Variants in ATP2A1 observed in about 807,000 individuals in gnomAD.
ATP2A1 encodes sarcoplasmic/endoplasmic reticulum calcium ATPase 1.
A neutral mutation model predicts 109.5 loss-of-function variants in ATP2A1; 83 were observed. The ratio of observed to expected loss-of-function variants is 0.76; its 90% CI spans 0.63 to 0.91. ATP2A1 has a LOEUF of 0.91. Ranked by LOEUF, ATP2A1 falls within the 40% of genes least tolerant of loss-of-function variation. The pLI, the probability that ATP2A1 is intolerant of heterozygous loss-of-function variation, is 0.00. For synonymous variants in ATP2A1, 505 were observed against 537.6 expected (o/e 0.94, Z 0.84); for missense variants, 1,101 against 1,341.0 (o/e 0.82, Z 2.80).
intron 22 of ATP2A1, 144 bp from the exon 23 acceptor site, chr16:28,904,036 C>T: frequency 1.2e-6 from 1 of 813,848 alleles, no homozygotes; most frequent in Non-Finnish European, 2.1e-6. Context: ...GGCGGGGTGT[C>T]TGGGGACGCA....
At chr16:28,884,738 G>A (rs1963573848) in intron 6 of ATP2A1, 83 bp downstream of exon 6, 7 of 1,330,280 alleles carry the variant, frequency 5.3e-6, no homozygotes, top group Non-Finnish European at 6.3e-6. Context: ...TGGAAAGACA[G>A]AGAACCCTCA....
chr16:28,890,784 C>G (rs1342464422), intron 9 of ATP2A1, among the ~76,000 whole-genome samples: 1 of 151,986 alleles, frequency 6.6e-6, no homozygotes, highest in Non-Finnish European at 1.5e-5. Flanking sequence ...CTCCCAGGTT[C>G]AAGTGATTCT....
intron 9 of ATP2A1, among the ~76,000 whole-genome samples, chr16:28,891,474 T>C (rs1233411035): frequency 6.6e-6 from 1 of 150,710 alleles, no homozygotes; most frequent in African/African-American, 2.5e-5. Context: ...ATGCCTGTAG[T>C]CCCAGCTACT....
intron 9 of ATP2A1, among the ~76,000 whole-genome samples, chr16:28,890,786 A>G (rs1216912529): frequency 6.6e-6 from 1 of 151,930 alleles, no homozygotes; most frequent in Non-Finnish European, 1.5e-5. Flanking sequence ...CCCAGGTTCA[A>G]GTGATTCTCC....
intron 6 of ATP2A1, among the ~76,000 whole-genome samples, chr16:28,885,953 G>T (rs1963603900): frequency 6.6e-6 from 1 of 151,626 alleles, no homozygotes; most frequent in Non-Finnish European, 1.5e-5. Flanking sequence ...ATTACTTGAG[G>T]TCAGGAGTTT....
Position 28,878,654 on chromosome 16 carries a change from C to T in ATP2A1, c.-18C>T, listed in dbSNP as rs768476527. 2 of 1,581,372 alleles carry T rather than the reference C, an allele frequency of 1.3e-6. No individual in the cohort carries two copies. The highest frequency in any genetic ancestry group is 1.7e-6 in the Non-Finnish European group (2 of 1,161,448). On this transcript the variant is annotated 5_prime_UTR_variant, in exon 1 of 23. Coordinates refer to ENST00000395503, the MANE Select transcript of ATP2A1 (RefSeq NM_004320.6). ...CTGGAAGGAACACACCGGCCCCGGC[C>T]CCCAGGAAGGGAGCACAATGGAGGC...
Position 28,894,890 on chromosome 16 carries a change from G to C in ATP2A1, c.1356G>C (p.Met452Ile). 1 of 1,612,536 alleles carries C rather than the reference G, an allele frequency of 6.2e-7. No homozygotes were observed. ...CACTCACCACCCTGGTGGAGAAGAT[G>C]AATGTGTTCAACACGGATGTGAGAA... is the stretch of plus-strand genomic sequence containing the variant. ...ETALTTLVEK[M>I]NVFNTDVRSL... The change falls in exon 12 of 23, where the codon ATG (methionine) becomes ATC (isoleucine). Residue 452 changes from methionine to isoleucine, a missense_variant. Met to Ile is a conservative substitution (Grantham distance 10). Coordinates refer to ENST00000395503, the MANE Select transcript of ATP2A1 (RefSeq NM_004320.6).
intron 14 of ATP2A1, 86 bp from the exon 15 acceptor site, chr16:28,900,495 A>G: frequency 8.5e-7 from 1 of 1,175,168 alleles, no homozygotes; most frequent in South Asian, 1.8e-5. Context: ...CTGACCTTTC[A>G]CCCCATCCCC....
At chr16:28,893,232 AAAAAG>A (rs1443375363) in intron 9 of ATP2A1, among the ~76,000 whole-genome samples, 1 of 151,404 alleles carries the variant, frequency 6.6e-6, no homozygotes, top group African/African-American at 2.4e-5. Context: ...AAAAAAAAAA[AAAAAG>A]AGAGAGAGAG....
chr16:28,901,021 G>C, intron 15 of ATP2A1, 105 bp downstream of exon 15: 1 of 1,430,370 alleles, frequency 7.0e-7, no homozygotes, highest in Non-Finnish European at 9.7e-7. Context: ...TAAGATGCAA[G>C]AAGGGTGGGG....
chr16:28,887,320 G>T, intron 7 of ATP2A1, 46 bp downstream of exon 7: 6 of 1,612,926 alleles, frequency 3.7e-6, no homozygotes, highest in Non-Finnish European at 5.1e-6. Flanking sequence ...CAAGCCAGGT[G>T]CCCGGGTTGG....
rs938494776 is a variant in ATP2A1 at position 28,898,405 on chromosome 16, G to A, written c.1718G>A (p.Arg573Gln). The change falls in exon 14 of 23, where the codon CGA (arginine) becomes CAA (glutamine). Residue 573 changes from arginine to glutamine, a missense_variant. Physicochemically the swap from Arg to Gln is conservative, Grantham distance 43. Transcript: ENST00000395503. This position sits in a 1 kb window ranked among gnomAD's most constrained non-coding sequence, Gnocchi z 4.0. ...GCCACCCGGGACACCCCCCCGAAGC[G>A]AGAGGAAATGGTCCTGGATGACTCT... ...ALATRDTPPK[R>Q]EEMVLDDSAR... The A allele has an allele frequency of 5.0e-6, 8 of 1,614,082 alleles. No homozygotes were observed. Among genetic ancestry groups the A allele is most frequent in the East Asian group, 2.2e-5 (1 of 44,894 alleles).
At chr16:28,900,473 C>A in intron 14 of ATP2A1, 108 bp from the exon 15 acceptor site, 46 of 754,154 alleles carry the variant, frequency 6.1e-5, no homozygotes, top group East Asian at 1.3e-4. Context: ...TCCCACCCCT[C>A]CCCACCACTT....
rs1964044881 is a variant in ATP2A1 at position 28,900,598 on chromosome 16, G to A, written c.1782G>A (p.Val594=). Residue 594 remains valine, a synonymous_variant, in exon 15 of 23, where the codon GTG becomes GTA. Coordinates refer to ENST00000395503, the MANE Select transcript of ATP2A1 (RefSeq NM_004320.6). ...CTCCCCAGACGGACCTGACATTCGT[G>A]GGTGTAGTGGGCATGCTGGACCCTC... ...FLEYETDLTF[V]GVVGMLDPPR... The A allele has an allele frequency of 6.4e-7, 1 of 1,569,462 alleles. No homozygotes were observed. The highest frequency in any genetic ancestry group is 8.7e-7 in the Non-Finnish European group (1 of 1,154,030).
rs1340016033 is a variant in ATP2A1, at chr16:28,903,873, T to G, written c.*37+132T>G. 1.1e-6 allele frequency: 1 copy of G among 940,224 alleles called. No homozygotes were observed. The highest frequency in any genetic ancestry group is 1.8e-5 in the Admixed American group (1 of 57,038). 58.2% of individuals were successfully genotyped at this position (940,224 alleles called of 1,614,324 possible). ...CTGGAGCCGTTGCCACTGCTGCTGC[T>G]GCGCTTCCAGTCAGGGTGGGCCGCT... On this transcript the variant is annotated intron_variant, in intron 22 of 22. Coordinates refer to ENST00000395503, the MANE Select transcript of ATP2A1 (RefSeq NM_004320.6). The surrounding 1 kb of genome is among the most constrained non-coding windows in gnomAD (Gnocchi z 5.6).
At chr16:28,887,119 G>A in intron 6 of ATP2A1, 70 bp from the exon 7 acceptor site, 2 of 1,501,294 alleles carry the variant, frequency 1.3e-6, no homozygotes, top group Non-Finnish European at 9.3e-7. Flanking sequence ...AGCAGGGAGA[G>A]AGTTAGGCAC....
In ATP2A1 at chr16:28,903,864, T is replaced by G. The variant is rs1293043563; in HGVS notation, c.*37+123T>G. ...CAGCTCCACCTGGAGCCGTTGCCAC[T>G]GCTGCTGCTGCGCTTCCAGTCAGGG... On this transcript the variant is annotated intron_variant, in intron 22 of 22. Transcript: ENST00000395503. The surrounding 1 kb of genome is among the most constrained non-coding windows in gnomAD (Gnocchi z 5.6). 2 of 953,368 alleles carry G rather than the reference T, an allele frequency of 2.1e-6. No individual in the cohort carries two copies. The highest frequency in any genetic ancestry group is 2.8e-5 in the South Asian group (2 of 72,596). 59.1% of individuals were successfully genotyped at this position (953,368 alleles called of 1,614,324 possible). A position where few individuals can be genotyped will look rare whatever the true frequency, so the allele number is the denominator to read the frequency against.
chr16:28,900,494 C>G (rs1964040651), intron 14 of ATP2A1, 87 bp from the exon 15 acceptor site: 1 of 656,408 alleles, frequency 1.5e-6, no homozygotes, highest in Non-Finnish European at 2.3e-6. Flanking sequence ...CCTGACCTTT[C>G]ACCCCATCCC....
chr16:28,903,334 G>T lies in ATP2A1; in HGVS notation c.2874G>T (p.Lys958Asn). ...GTCCCCTGCCCCAGATGATCTTCAA[G>T]CTCCGGGCCCTGGACCTCACCCAGT... ...LYVDPLPMIF[K>N]LRALDLTQWL... The change falls in exon 21 of 23, where the codon AAG becomes AAT. Residue 958 changes from lysine (K) to asparagine (N), a missense_variant. Physicochemically the swap from Lys to Asn is moderately conservative, Grantham distance 94 (BLOSUM62 0). Transcript: ENST00000395503. The surrounding 1 kb of genome is among the most constrained non-coding windows in gnomAD (Gnocchi z 5.6). 3.7e-6 allele frequency: 6 copies of T among 1,613,860 alleles called. No individual in the cohort carries two copies. In the South Asian group the frequency reaches 6.6e-5, roughly 18 times the overall value.
Sources: gnomAD v4.1 joint callset for allele counts (sites outside exome capture counted in the v4.1 genomes callset) on GRCh38, gnomAD v4.1.1 for gene constraint, Gnocchi (gnomAD v3.1) non-coding constraint, MANE v1.5 for transcripts, NCBI Gene and HGNC (gene_info 2026-07-23, HGNC 2026-07-21) for gene names.